The following MMP26 variants were observed in gnomAD, a reference collection of about 807,000 sequenced individuals.
MMP26 encodes matrix metallopeptidase 26.
Under a neutral mutation model 31.0 loss-of-function variants are expected in MMP26, and 33 were observed. The observed-to-expected ratio is 1.06, with a 90% CI of 0.81 to 1.42. MMP26 has a LOEUF of 1.42. MMP26 is among the 40% of genes most tolerant of loss of function. MMP26 has a pLI of 0.00. For missense variants in MMP26, 347 were observed against 316.1 expected, an observed-to-expected ratio of 1.10 and a Z score of -0.74; for synonymous variants, 122 against 114.9, an observed-to-expected ratio of 1.06 and a Z score of -0.40.
At chr11:4,742,013 A>T (rs147277815) in intron 1 of MMP26, among the ~76,000 whole-genome samples, 2 of 152,176 alleles carry the variant, frequency 1.3e-5, no homozygotes, top group South Asian at 4.1e-4. Flanking sequence ...AGCCAGCAAG[A>T]GGGAGACTGT....
At chr11:4,865,230 A>C (rs1014430281) in intron 2 of MMP26, among the ~76,000 whole-genome samples, 9 of 151,938 alleles carry the variant, frequency 5.9e-5, no homozygotes, top group Non-Finnish European at 1.2e-4. Flanking sequence ...AGATTATCAC[A>C]CTTAATTTTT....
At chr11:4,857,242 T>C (rs757332171) in intron 2 of MMP26, among the ~76,000 whole-genome samples, 3 of 130,400 alleles carry the variant, frequency 2.3e-5, no homozygotes, top group African/African-American at 5.7e-5. Flanking sequence ...TTGAAGGAGA[T>C]AGAGACACAA....
chr11:4,842,523 T>C (rs919168053), intron 2 of MMP26, among the ~76,000 whole-genome samples: 2 of 152,092 alleles, frequency 1.3e-5, no homozygotes, highest in African/African-American at 4.8e-5. Context: ...AAGAGGGAAG[T>C]GCCACACACT....
rs144884089 is a variant in MMP26, at chr11:4,853,901, A to G, written c.-145+86560A>G. 2.2e-4 allele frequency among the ~76,000 whole-genome samples: 34 copies of G among 152,328 alleles called. 1 individual carries two copies. The highest frequency in any genetic ancestry group is 8.2e-4 in the African/African-American group (34 of 41,576). ...TAAATTCTTAATATTAGCAAATTAA[A>G]TTTGGCTACATAAAAAAAAAATTCT... is the stretch of plus-strand genomic sequence containing the variant. On this transcript the variant is annotated intron_variant, in intron 2 of 7. Transcript: ENST00000380390.
intron 2 of MMP26, among the ~76,000 whole-genome samples, chr11:4,794,661 T>A (rs928402046): frequency 3.3e-5 from 5 of 152,106 alleles, no homozygotes; most frequent in African/African-American, 1.2e-4. Flanking sequence ...TAGGAATAGA[T>A]AAGGTGGGCT....
chr11:4,755,563 A>T (rs1186855949), intron 1 of MMP26, among the ~76,000 whole-genome samples: 2 of 152,086 alleles, frequency 1.3e-5, no homozygotes, highest in African/African-American at 4.8e-5. Context: ...GCACTGGTAG[A>T]GATACATTGA....
chr11:4,758,063 A>G (rs190199912), intron 1 of MMP26, among the ~76,000 whole-genome samples: 3 of 152,214 alleles, frequency 2.0e-5, no homozygotes, highest in African/African-American at 7.2e-5. Context: ...AAGTGTTCAT[A>G]ACAACATTAT....
intron 2 of MMP26, chr11:4,859,834 A>G (rs1850117869): frequency 2.1e-6 from 1 of 471,456 alleles, no homozygotes; most frequent in Admixed American, 2.3e-5. Context: ...CATGTGAGAG[A>G]GGCATGTGCT....
chr11:4,811,286 C>T (rs561044420), intron 2 of MMP26, among the ~76,000 whole-genome samples: 25 of 152,028 alleles, frequency 1.6e-4, no homozygotes, highest in Non-Finnish European at 3.7e-4. Flanking sequence ...GTTTGGTGTA[C>T]CGATTATTTT....
At chr11:4,853,903 T>A (rs1331701198) in intron 2 of MMP26, among the ~76,000 whole-genome samples, 1 of 152,176 alleles carries the variant, frequency 6.6e-6, no homozygotes, top group African/African-American at 2.4e-5. Context: ...CAAATTAAAT[T>A]TGGCTACATA....
chr11:4,943,383 C>G (rs1013137996), intron 2 of MMP26: 2 of 397,330 alleles, frequency 5.0e-6, no homozygotes, highest in African/African-American at 4.2e-5. Context: ...AGGAACTTCT[C>G]TGGTATCAGA....
intron 1 of MMP26, among the ~76,000 whole-genome samples, chr11:4,714,028 T>C (rs981031604): frequency 2.6e-5 from 4 of 152,168 alleles, no homozygotes; most frequent in African/African-American, 9.7e-5. Flanking sequence ...CATCCTGAGA[T>C]ATGGCTTCAG....
At chr11:4,718,078 A>G (rs1358304601) in intron 1 of MMP26, among the ~76,000 whole-genome samples, 2 of 152,204 alleles carry the variant, frequency 1.3e-5, no homozygotes, top group African/African-American at 4.8e-5. Context: ...TGTCCAGGGT[A>G]TTATCACACT....
At chr11:4,909,868 T>C (rs1411790057) in intron 2 of MMP26, among the ~76,000 whole-genome samples, 1 of 152,134 alleles carries the variant, frequency 6.6e-6, no homozygotes, top group Non-Finnish European at 1.5e-5. Flanking sequence ...TTTTCTCTAC[T>C]GCATTCTTTG....
At chr11:4,804,659 T>C (rs1175555080) in intron 2 of MMP26, 1 of 521,670 alleles carries the variant, frequency 1.9e-6, no homozygotes, top group African/African-American at 1.9e-5. Context: ...TCAATATTTT[T>C]CTTGACCAGG....
intron 2 of MMP26, among the ~76,000 whole-genome samples, chr11:4,856,850 A>G (rs1217331140): frequency 6.6e-6 from 1 of 152,216 alleles, no homozygotes; most frequent in Non-Finnish European, 1.5e-5. Context: ...AATGTAAAAG[A>G]ACAGAAACTA....
chr11:4,946,226 A>C, intron 2 of MMP26: 2 of 1,614,042 alleles, frequency 1.2e-6, no homozygotes, highest in Non-Finnish European at 1.7e-6. Flanking sequence ...TACACAATAA[A>C]CAATTGGGTT....
intron 2 of MMP26, among the ~76,000 whole-genome samples, chr11:4,874,679 T>A (rs1331953523): frequency 6.6e-6 from 1 of 151,910 alleles, no homozygotes; most frequent in Non-Finnish European, 1.5e-5. Flanking sequence ...TTTCTTTTAG[T>A]CCTAAACCTT....
chr11:4,857,590 A>G (rs1317358960), intron 2 of MMP26, among the ~76,000 whole-genome samples: 2 of 152,210 alleles, frequency 1.3e-5, no homozygotes, highest in East Asian at 3.8e-4. Flanking sequence ...TTAATAGCCT[A>G]CCAACCAAAA....
Sources: allele counts gnomAD v4.1 joint callset (sites outside exome capture counted in the v4.1 genomes callset), GRCh38; gene constraint gnomAD v4.1.1; transcripts MANE v1.5; gene names NCBI Gene and HGNC (gene_info 2026-07-23, HGNC 2026-07-21).